The following CA10 variants were observed in gnomAD, a reference collection of about 807,000 sequenced individuals.
CA10 encodes the protein carbonic anhydrase 10 (inactive), also known as carbonic anhydrase-related protein 10.
CA10 carries 14 observed loss-of-function variants against 44.2 expected under a neutral mutation model. That is an observed-to-expected ratio of 0.32 (90% CI 0.21 to 0.50). The LOEUF is 0.50. CA10 is among the 20% of genes least tolerant of loss of function. The pLI, the probability that CA10 is intolerant of heterozygous loss-of-function variation, is 0.99. For missense variants in CA10, 350 were observed against 409.7 expected (o/e 0.85, Z 1.26); for synonymous variants, 159 against 141.6 (o/e 1.12, Z -0.87).
At chr17:51,759,132 C>T (rs780309826) in intron 3 of CA10, among the ~76,000 whole-genome samples, 2 of 152,140 alleles carry the variant, frequency 1.3e-5, no homozygotes, top group Non-Finnish European at 2.9e-5. Flanking sequence ...TCAAGCCCCT[C>T]ATTGTTGGTT....
intron 1 of CA10, among the ~76,000 whole-genome samples, chr17:52,142,695 C>T (rs144195284): frequency 1.3e-5 from 2 of 152,216 alleles, no homozygotes; most frequent in East Asian, 3.9e-4. Flanking sequence ...CCCCTGCAGG[C>T]AGCCCTAGGA....
chr17:51,680,868 G>A (rs1013227980), intron 4 of CA10, among the ~76,000 whole-genome samples: 3 of 152,058 alleles, frequency 2.0e-5, no homozygotes, highest in Admixed American at 2.0e-4. Flanking sequence ...CAAGCAAGAG[G>A]GCAGATTGAT....
chr17:51,857,892 C>T (rs1386437899), intron 3 of CA10, among the ~76,000 whole-genome samples: 2 of 152,158 alleles, frequency 1.3e-5, no homozygotes, highest in Non-Finnish European at 2.9e-5. Flanking sequence ...TCATTTTTAG[C>T]ACAGTCAGGG....
chr17:52,144,823 C>T (rs753179342), intron 1 of CA10, among the ~76,000 whole-genome samples: 1 of 152,170 alleles, frequency 6.6e-6, no homozygotes, highest in Non-Finnish European at 1.5e-5. Flanking sequence ...GCAAAAGCCA[C>T]CATTTATCAA....
At chr17:51,785,639 C>G (rs1444210158) in intron 3 of CA10, among the ~76,000 whole-genome samples, 1 of 151,942 alleles carries the variant, frequency 6.6e-6, no homozygotes, top group Non-Finnish European at 1.5e-5. Context: ...AATAGAGTAC[C>G]CTTTGTTCTG....
At chr17:52,133,445 G>T (rs568558600) in intron 1 of CA10, among the ~76,000 whole-genome samples, 1 of 152,238 alleles carries the variant, frequency 6.6e-6, no homozygotes, top group African/African-American at 2.4e-5. Flanking sequence ...CAGTGAAGAG[G>T]TGGAAGGAAA....
At chr17:51,954,336 G>T (rs1263532038) in intron 2 of CA10, among the ~76,000 whole-genome samples, 1 of 152,080 alleles carries the variant, frequency 6.6e-6, no homozygotes, top group African/African-American at 2.4e-5. Context: ...CCCTTGAAAT[G>T]CAAATTTAGC....
At chr17:51,798,148 C>T (rs1397325628) in intron 3 of CA10, among the ~76,000 whole-genome samples, 1 of 152,178 alleles carries the variant, frequency 6.6e-6, no homozygotes, top group Non-Finnish European at 1.5e-5. Context: ...AGCTTCCTTC[C>T]TATTTTTCTA....
At chr17:51,792,285 C>T (rs1034963232) in intron 3 of CA10, among the ~76,000 whole-genome samples, 1 of 152,206 alleles carries the variant, frequency 6.6e-6, no homozygotes, top group African/African-American at 2.4e-5. Flanking sequence ...ATCCCTGTTG[C>T]TTCTCCATCT....
intron 2 of CA10, among the ~76,000 whole-genome samples, chr17:51,983,690 A>C (rs896719343): frequency 1.3e-4 from 19 of 151,892 alleles, no homozygotes; most frequent in Admixed American, 1.2e-3. Flanking sequence ...TATATCAAGC[A>C]TAAAAAACAC....
At chr17:51,679,913 G>A (rs1396794444) in intron 4 of CA10, among the ~76,000 whole-genome samples, 2 of 152,252 alleles carry the variant, frequency 1.3e-5, no homozygotes, top group Middle Eastern at 3.4e-3. Context: ...GCTGTTTCAC[G>A]ACAACTGAAA....
At chr17:51,916,144 A>G (rs869132167) in intron 3 of CA10, among the ~76,000 whole-genome samples, 1 of 151,568 alleles carries the variant, frequency 6.6e-6, no homozygotes, top group South Asian at 2.1e-4. Context: ...TGCTGGAAAC[A>G]GTGTCATTGG....
intron 1 of CA10, among the ~76,000 whole-genome samples, chr17:52,079,240 T>C (rs1567726040): frequency 6.6e-6 from 1 of 152,000 alleles, no homozygotes; most frequent in African/African-American, 2.4e-5. Flanking sequence ...GAGCCGAGAT[T>C]GCACCACTGC....
At chr17:51,858,795 AG>A (rs1979168724) in intron 3 of CA10, among the ~76,000 whole-genome samples, 1 of 152,176 alleles carries the variant, frequency 6.6e-6, no homozygotes, top group Non-Finnish European at 1.5e-5. Flanking sequence ...TGGCTAGTGA[AG>A]GGTAGTTAAG....
At chr17:51,715,929 A>G (rs1916098067) in intron 4 of CA10, among the ~76,000 whole-genome samples, 1 of 152,150 alleles carries the variant, frequency 6.6e-6, no homozygotes, top group Non-Finnish European at 1.5e-5. Flanking sequence ...ACCTCAGGTG[A>G]TCCGCCCACC....
chr17:51,738,002 T>C (rs190884188), intron 4 of CA10, among the ~76,000 whole-genome samples: 261 of 152,326 alleles, frequency 1.7e-3, no homozygotes, highest in Admixed American at 2.9e-3. Context: ...TTCCAACCAA[T>C]TCTGAATATG....
At chr17:51,739,777 C>T (rs1224995153) in intron 4 of CA10, among the ~76,000 whole-genome samples, 1 of 152,186 alleles carries the variant, frequency 6.6e-6, no homozygotes, top group Non-Finnish European at 1.5e-5. Flanking sequence ...GTAATGTGCC[C>T]TACCACCATC....
chr17:51,631,635 T>G (rs765050697), intron 8 of CA10, 29 bp from the exon 9 acceptor site: 2 of 1,580,878 alleles, frequency 1.3e-6, no homozygotes, highest in African/African-American at 2.7e-5. Context: ...AAAAAAAAAA[T>G]CACACATACA....
At chr17:52,042,851 C>T (rs924299908) in intron 2 of CA10, among the ~76,000 whole-genome samples, 9 of 151,986 alleles carry the variant, frequency 5.9e-5, no homozygotes, top group African/African-American at 2.2e-4. Flanking sequence ...ATTTAAGAAA[C>T]TATCCTTTCC....
Sources: gnomAD v4.1 joint callset for allele counts (sites outside exome capture counted in the v4.1 genomes callset) on GRCh38, gnomAD v4.1.1 for gene constraint, MANE v1.5 for transcripts, NCBI Gene and HGNC (gene_info 2026-07-23, HGNC 2026-07-21) for gene names.